MMP24: variants seen among roughly 807,000 people sequenced by gnomAD.
The protein encoded by MMP24 is matrix metallopeptidase 24.
MMP24 carries 25 observed loss-of-function variants against 62.8 expected under a neutral mutation model. The ratio of observed to expected loss-of-function variants is 0.40; its 90% CI spans 0.29 to 0.56. The LOEUF is 0.56. Ranked by LOEUF, MMP24 falls within the 20% of genes least tolerant of loss-of-function variation. The probability of loss-of-function intolerance (pLI) is 0.50; values close to 1 mark genes in which losing one functional copy is unlikely to be tolerated. For missense variants in MMP24, 634 were observed against 853.6 expected, an observed-to-expected ratio of 0.74 and a Z score of 3.21; for synonymous variants, 319 against 350.5, an observed-to-expected ratio of 0.91 and a Z score of 1.00.
intron 4 of MMP24, among the ~76,000 whole-genome samples, 163 bp downstream of exon 4, chr20:35,254,917 A>T (rs2060567516): frequency 6.6e-6 from 1 of 152,244 alleles, no homozygotes; most frequent in Admixed American, 6.5e-5. Context: ...TCAACGTTCA[A>T]TCCACCAGGG....
At chr20:35,261,504 A>C (rs1356232203) in intron 4 of MMP24, among the ~76,000 whole-genome samples, 1 of 152,134 alleles carries the variant, frequency 6.6e-6, no homozygotes, top group Non-Finnish European at 1.5e-5. Context: ...GAATGAAGGT[A>C]ATCTGTCCTA....
At chr20:35,258,303 CAAT>C (rs1185605811) in intron 4 of MMP24, among the ~76,000 whole-genome samples, 10 of 152,234 alleles carry the variant, frequency 6.6e-5, no homozygotes, top group Middle Eastern at 3.4e-3. Context: ...ACAAAATTAA[CAAT>C]AATTTTTTAA....
chr20:35,273,859 G>T (rs150950150), intron 8 of MMP24, among the ~76,000 whole-genome samples: 2 of 152,224 alleles, frequency 1.3e-5, no homozygotes, highest in African/African-American at 4.8e-5. Flanking sequence ...GTCAACACAA[G>T]GTGAAATCTT....
At chr20:35,255,742 A>G (rs563558672) in intron 4 of MMP24, among the ~76,000 whole-genome samples, 17 of 152,330 alleles carry the variant, frequency 1.1e-4, no homozygotes, top group African/African-American at 4.1e-4. Flanking sequence ...GCCCTGGTTC[A>G]ACTACTGGCT....
At chr20:35,258,776 T>C (rs2060587376) in intron 4 of MMP24, among the ~76,000 whole-genome samples, 1 of 151,804 alleles carries the variant, frequency 6.6e-6, no homozygotes, top group Admixed American at 6.6e-5. Flanking sequence ...CCAACCATTA[T>C]ACAATTCACC....
At position 35,267,396 on chromosome 20, in the gene MMP24, C is replaced by T. The variant is rs536032332; in HGVS notation, c.1171C>T (p.Arg391Trp). ...DGNFNTVALF[R>W]GEMFVFKDRW... ...CAACTTCAACACAGTGGCCCTCTTC[C>T]GGGGCGAGATGTTTGTCTTTAAGGT... The change falls in exon 6 of 9, where the codon CGG becomes TGG. Residue 391 changes from arginine (R) to tryptophan (W), a missense_variant. Arg to Trp is a moderately radical substitution (Grantham distance 101). This residue lies in a region of MMP24 where 399 missense variants were observed against 530.8 expected (regional missense o/e 0.75). Coordinates refer to ENST00000246186, the MANE Select transcript of MMP24 (RefSeq NM_006690.4). The T allele has an allele frequency of 2.6e-6, 4 of 1,561,688 alleles. No homozygotes were observed. Among genetic ancestry groups the T allele is most frequent in the Admixed American group, 3.8e-5 (2 of 52,046 alleles).
chr20:35,261,239 C>T (rs1654760580), intron 4 of MMP24, among the ~76,000 whole-genome samples: 1 of 152,184 alleles, frequency 6.6e-6, no homozygotes, highest in Non-Finnish European at 1.5e-5. Context: ...GGGGAGTTGG[C>T]TTTCAGAGGA....
At position 35,271,522 on chromosome 20, in the gene MMP24, G is replaced by A; in HGVS notation, c.1334-47G>A. On this transcript the variant is annotated intron_variant, in intron 7 of 8. Coordinates refer to ENST00000246186, the MANE Select transcript of MMP24 (RefSeq NM_006690.4). The surrounding 1 kb of genome is among the most constrained non-coding windows in gnomAD (Gnocchi z 4.0). ...CTGACACCCTGAAGATGGGCAAACG[G>A]CACTGAGTGACTGGGGAAGCTGATC... 6.3e-7 allele frequency: 1 copy of A among 1,588,436 alleles called. No individual in the cohort carries two copies. The highest frequency in any genetic ancestry group is 8.6e-7 in the Non-Finnish European group (1 of 1,165,976).
chr20:35,238,384 G>T lies in MMP24; in HGVS notation c.247-8456G>T, dbSNP rs547035957. On this transcript the variant is annotated intron_variant, in intron 1 of 8. Transcript: ENST00000246186. ...TACAATACAGTGTGGTAAGAATTGC[G>T]ATAAGGAAACAGATGGGGGACTGAC... 2.3e-4 allele frequency among the ~76,000 whole-genome samples: 35 copies of T among 152,276 alleles called. 1 individual carries two copies. The highest frequency in any genetic ancestry group is 3.4e-3 in the Middle Eastern group (1 of 294).
In MMP24 at chr20:35,270,235, G is replaced by A. The variant is rs1271299241; in HGVS notation, c.1333+337G>A. 4.6e-5 allele frequency among the ~76,000 whole-genome samples: 7 copies of A among 152,216 alleles called. No homozygotes were observed. In the East Asian group the frequency reaches 1.3e-3, roughly 29 times the overall value. On this transcript the variant is annotated intron_variant, in intron 7 of 8. Coordinates refer to ENST00000246186, the MANE Select transcript of MMP24 (RefSeq NM_006690.4). ...GCTGGGGAGGTCGGGGGAGGGTGTG[G>A]GAGGGAGCTAAGGTGCCCACCCTGT...
intron 4 of MMP24, among the ~76,000 whole-genome samples, chr20:35,262,515 C>A (rs1403966926): frequency 6.6e-6 from 1 of 151,272 alleles, no homozygotes; most frequent in African/African-American, 2.5e-5. Flanking sequence ...AGCCCTAAGG[C>A]GGTTTTTCCC....
At chr20:35,232,573 A>T (rs1252322948) in intron 1 of MMP24, among the ~76,000 whole-genome samples, 1 of 152,196 alleles carries the variant, frequency 6.6e-6, no homozygotes, top group African/African-American at 2.4e-5. Flanking sequence ...TTCAGGAAGA[A>T]GGTGGTATCT....
intron 4 of MMP24, among the ~76,000 whole-genome samples, chr20:35,257,422 A>C (rs2060580535): frequency 6.6e-6 from 1 of 152,186 alleles, no homozygotes; most frequent in South Asian, 2.1e-4. Context: ...CTAACAGATA[A>C]GATGTGAGGA....
chr20:35,230,997 T>C (rs935478330), intron 1 of MMP24, among the ~76,000 whole-genome samples: 1 of 152,138 alleles, frequency 6.6e-6, no homozygotes, highest in Non-Finnish European at 1.5e-5. Context: ...GATCCTATGC[T>C]TTCTTTAGTC....
Position 35,274,691 on chromosome 20 carries a change from T to C in MMP24, c.*82T>C. ...GGGTCTGAGGGGCAGCTCTGGCCAG[T>C]GCTCACCAGGGCCAGCAGGGCCCTA... On this transcript the variant is annotated 3_prime_UTR_variant, in exon 9 of 9. Coordinates refer to ENST00000246186, the MANE Select transcript of MMP24 (RefSeq NM_006690.4). This position sits in a 1 kb window ranked among gnomAD's most constrained non-coding sequence, Gnocchi z 5.1. 2.4e-6 allele frequency: 3 copies of C among 1,255,704 alleles called. No individual in the cohort carries two copies. The highest frequency in any genetic ancestry group is 3.3e-6 in the Non-Finnish European group (3 of 912,434). 77.8% of individuals were successfully genotyped at this position (1,255,704 alleles called of 1,614,324 possible).
intron 1 of MMP24, among the ~76,000 whole-genome samples, chr20:35,239,031 G>A (rs2060476148): frequency 6.6e-6 from 1 of 151,542 alleles, no homozygotes; most frequent in Non-Finnish European, 1.5e-5. Flanking sequence ...GTGTCACCAC[G>A]CCTGGCTACT....
At chr20:35,258,846 C>T (rs1209368585) in intron 4 of MMP24, among the ~76,000 whole-genome samples, 1 of 152,016 alleles carries the variant, frequency 6.6e-6, no homozygotes, top group East Asian at 1.9e-4. Flanking sequence ...ACCAAACCTC[C>T]TGAATCAGAA....
intron 1 of MMP24, among the ~76,000 whole-genome samples, chr20:35,227,717 C>G (rs900853232): frequency 8.5e-5 from 13 of 152,196 alleles, no homozygotes; most frequent in African/African-American, 3.1e-4. Flanking sequence ...ACTGAACACT[C>G]ACTATGTGCC....
At chr20:35,246,122 G>A (rs2060513050) in intron 1 of MMP24, among the ~76,000 whole-genome samples, 1 of 151,820 alleles carries the variant, frequency 6.6e-6, no homozygotes, top group Non-Finnish European at 1.5e-5. Flanking sequence ...GGATTTCTGG[G>A]TGGCACAACA....
Sources: gnomAD v4.1 joint callset for allele counts (sites outside exome capture counted in the v4.1 genomes callset) on GRCh38, gnomAD v4.1.1 for gene constraint, gnomAD v4.1.1 regional missense constraint, Gnocchi (gnomAD v3.1) non-coding constraint, MANE v1.5 for transcripts, NCBI Gene and HGNC (gene_info 2026-07-23, HGNC 2026-07-21) for gene names.